The following DNAH6 variants were observed in gnomAD, a reference collection of about 807,000 sequenced individuals.
DNAH6 encodes axonemal beta dynein heavy chain 6.
In DNAH6, 340 loss-of-function variants were observed where a neutral mutation model predicts 491.4. The observed-to-expected ratio is 0.69, with a 90% CI of 0.63 to 0.76. DNAH6 has a LOEUF of 0.76. Ranked by LOEUF, DNAH6 falls within the 30% of genes least tolerant of loss-of-function variation. DNAH6 has a pLI of 0.00. For synonymous variants in DNAH6, 1,603 were observed against 1,686.1 expected, an observed-to-expected ratio of 0.95 and a Z score of 1.21; for missense variants, 4,443 against 4,972.2, an observed-to-expected ratio of 0.89 and a Z score of 3.20.
At chr2:84,463,394 G>A in the DNAH6 span, among the ~76,000 whole-genome samples, 2 of 152,246 alleles carry the variant, frequency 1.3e-5, no homozygotes, top group African/African-American at 4.8e-5. Context: ...TTTAGTTGTT[G>A]GTTTTTGAAA....
chr2:84,617,158 T>TA (rs1370456134), intron 23 of DNAH6, among the ~76,000 whole-genome samples, 176 bp downstream of exon 23: 2 of 152,060 alleles, frequency 1.3e-5, no homozygotes, highest in Non-Finnish European at 2.9e-5. Context: ...AAGGATAAAA[T>TA]ACAATATTCA....
At chr2:84,738,096 A>G (rs539117710) in intron 62 of DNAH6, among the ~76,000 whole-genome samples, 1 of 151,800 alleles carries the variant, frequency 6.6e-6, no homozygotes, top group Non-Finnish European at 1.5e-5. Context: ...CCTTGATTTC[A>G]TTGTTTACCC....
intron 11 of DNAH6, among the ~76,000 whole-genome samples, chr2:84,560,912 A>G (rs946819428): frequency 2.6e-5 from 4 of 151,680 alleles, no homozygotes; most frequent in Non-Finnish European, 5.9e-5. Context: ...TAGTGCCACA[A>G]TAAACATACG....
chr2:84,701,007 G>A (rs1695850398), intron 48 of DNAH6, 90 bp from the exon 49 acceptor site: 1 of 1,415,990 alleles, frequency 7.1e-7, no homozygotes, highest in Non-Finnish European at 9.5e-7. Flanking sequence ...GGGCAGGGAG[G>A]AGTTCCCGAG....
chr2:84,595,714 T>A lies in DNAH6; in HGVS notation c.2793T>A (p.Thr931=). ...GQVSKYAKFV[T]QLEKGLPPNS... ...TTTCTAAATATGCTAAATTTGTGACTCAACTGGAAAAAGGCTTGCCACCCA... is the reference window on the plus strand; with the variant it reads ...TTTCTAAATATGCTAAATTTGTGACACAACTGGAAAAAGGCTTGCCACCCA... Residue 931 remains threonine (T), a synonymous_variant, in exon 18 of 77, where the codon ACT becomes ACA. Coordinates refer to ENST00000389394, the MANE Select transcript of DNAH6 (RefSeq NM_001370.2). 6.4e-7 allele frequency: 1 copy of A among 1,551,410 alleles called. No individual in the cohort carries two copies.
At position 84,707,560 on chromosome 2, in the gene DNAH6, T is replaced by C; in HGVS notation, c.8892T>C (p.Ala2964=). 6.4e-7 allele frequency: 1 copy of C among 1,551,946 alleles called. No homozygotes were observed. The highest frequency in any genetic ancestry group is 8.7e-7 in the Non-Finnish European group (1 of 1,147,030). The change falls in exon 54 of 77, where the codon GCT becomes GCC. Residue 2964 remains alanine (A), a synonymous_variant. Coordinates refer to ENST00000389394, the MANE Select transcript of DNAH6 (RefSeq NM_001370.2). ...TGACAAAAGCACGTCTAGTACGTGC[T>C]GGAAAGCTGACAGCAGCATTAGAAG... The part of the protein sequence containing the change: ...MALTKARLVR[A]GKLTAALEDE...
intron 11 of DNAH6, among the ~76,000 whole-genome samples, chr2:84,565,748 T>A (rs1180879895): frequency 6.6e-6 from 1 of 152,006 alleles, no homozygotes. Context: ...AGTATTTTTT[T>A]AATAAATCTT....
At chr2:84,575,680 T>G (rs956749003) in intron 12 of DNAH6, among the ~76,000 whole-genome samples, 2 of 152,016 alleles carry the variant, frequency 1.3e-5, no homozygotes, top group African/African-American at 2.4e-5. Flanking sequence ...GTCAGGAGAT[T>G]GAGACCATCC....
At chr2:84,736,493 A>G (rs1655868451) in intron 62 of DNAH6, among the ~76,000 whole-genome samples, 1 of 151,994 alleles carries the variant, frequency 6.6e-6, no homozygotes, top group South Asian at 2.1e-4. Context: ...ATGTTTTTCC[A>G]TTTGTTTGTT....
intron 4 of DNAH6, among the ~76,000 whole-genome samples, chr2:84,540,613 T>C (rs994243629): frequency 2.0e-5 from 3 of 152,190 alleles, no homozygotes; most frequent in African/African-American, 7.2e-5. Context: ...CTTTGAGTTA[T>C]ATCTGAAATG....
At chr2:84,520,559 T>C (rs1157786434) in intron 2 of DNAH6, among the ~76,000 whole-genome samples, 1 of 152,070 alleles carries the variant, frequency 6.6e-6, no homozygotes, top group African/African-American at 2.4e-5. Flanking sequence ...TTTTTTTCTG[T>C]TCCTCTCCCT....
At chr2:84,652,050 A>G (rs1243042976) in intron 33 of DNAH6, among the ~76,000 whole-genome samples, 1 of 151,996 alleles carries the variant, frequency 6.6e-6, no homozygotes, top group African/African-American at 2.4e-5. Context: ...GGTCTTCTAT[A>G]TGGACATTTA....
chr2:84,602,659 T>C (rs1685362047), intron 18 of DNAH6, among the ~76,000 whole-genome samples: 1 of 151,696 alleles, frequency 6.6e-6, no homozygotes, highest in South Asian at 2.1e-4. Flanking sequence ...GGTGTTTGTT[T>C]TTAATTTTGA....
chr2:84,622,195 A>G (rs188262419), intron 26 of DNAH6, among the ~76,000 whole-genome samples: 2 of 152,198 alleles, frequency 1.3e-5, no homozygotes, highest in African/African-American at 4.8e-5. Flanking sequence ...ATGCAGGATT[A>G]TCCTTCTATG....
At chr2:84,682,516 G>A (rs1693882509) in intron 42 of DNAH6, among the ~76,000 whole-genome samples, 4 of 152,160 alleles carry the variant, frequency 2.6e-5, no homozygotes, top group Admixed American at 1.3e-4. Flanking sequence ...CCTACTCTAA[G>A]AGTCTGACTT....
At chr2:84,774,738 G>A (rs1342915217) in intron 64 of DNAH6, among the ~76,000 whole-genome samples, 1 of 151,974 alleles carries the variant, frequency 6.6e-6, no homozygotes, top group African/African-American at 2.4e-5. Flanking sequence ...GTGGTATTTT[G>A]CAGTTCTCCT....
At position 84,549,879 on chromosome 2, in the gene DNAH6, TC is replaced by T; in HGVS notation, c.1317-9del. The stretch of plus-strand genomic sequence containing the variant: ...AAACCGAAATTGTATTAGTTTTTTT[TC>T]TTTTCAAGCTTTATTCGTCTAAACG... On this transcript the variant is annotated splice_polypyrimidine_tract_variant and intron_variant, in intron 8 of 76. Transcript: ENST00000389394. 1 of 1,577,784 alleles carries T rather than the reference TC, an allele frequency of 6.3e-7. No individual in the cohort carries two copies. Among genetic ancestry groups the T allele is most frequent in the Non-Finnish European group, 8.6e-7 (1 of 1,160,758 alleles).
intron 62 of DNAH6, among the ~76,000 whole-genome samples, chr2:84,744,480 G>A (rs558974833): frequency 7.3e-4 from 111 of 152,180 alleles, no homozygotes; most frequent in Admixed American, 9.8e-4. Context: ...ATGATGTATC[G>A]TTTATTAGGG....
In DNAH6 at chr2:84,762,784, A is replaced by G. The variant is rs1180145836; in HGVS notation, c.10542A>G (p.Ile3514Met). The change falls in exon 64 of 77, where the codon ATA (isoleucine) becomes ATG (methionine). Residue 3514 changes from isoleucine (I) to methionine (M), a missense_variant. Around this residue, in one of 3 missense-constraint regions of DNAH6, gnomAD observed 1,463 missense variants for 1,656.6 expected, o/e 0.88. Coordinates refer to ENST00000389394, the MANE Select transcript of DNAH6 (RefSeq NM_001370.2). ...KVVFALTDFV[I>M]ENLGKQFIET... ...TTTTTGCTCTTACAGACTTTGTGAT[A>G]GAAAATCTTGGAAAACAGTTTATAG... is the stretch of plus-strand genomic sequence containing the variant. 3.2e-6 allele frequency: 5 copies of G among 1,550,630 alleles called. No homozygotes were observed. Among genetic ancestry groups the G allele is most frequent in the Admixed American group, 3.9e-5 (2 of 50,746 alleles).
Sources: allele counts gnomAD v4.1 joint callset (sites outside exome capture counted in the v4.1 genomes callset), GRCh38; gene constraint gnomAD v4.1.1; regional missense constraint gnomAD v4.1.1; transcripts MANE v1.5; gene names NCBI Gene and HGNC (gene_info 2026-07-23, HGNC 2026-07-21).